TSHZ2: variants seen among roughly 807,000 people sequenced by gnomAD.
The protein encoded by TSHZ2 is teashirt homolog 2.
A neutral mutation model predicts 74.4 loss-of-function variants in TSHZ2; 21 were observed. The ratio of observed to expected loss-of-function variants is 0.28; its 90% CI spans 0.20 to 0.41. The LOEUF (loss-of-function observed/expected upper bound fraction) is 0.41, where lower values mean the gene tolerates loss of function less well. TSHZ2 is among the 10% of genes least tolerant of loss of function. The pLI is 1.00. For missense variants in TSHZ2, 1,244 were observed against 1,293.5 expected, an observed-to-expected ratio of 0.96 and a Z score of 0.59; for synonymous variants, 540 against 515.3, an observed-to-expected ratio of 1.05 and a Z score of -0.65.
intron 2 of TSHZ2, among the ~76,000 whole-genome samples, chr20:53,441,221 G>GTTTTTTATTTTAT (rs1984301242): frequency 8.0e-6 from 1 of 125,784 alleles, no homozygotes; most frequent in African/African-American, 3.2e-5. Context: ...TTATTTATTT[G>GTTTTTTATTTTAT]TTTATTTTAT....
intron 2 of TSHZ2, among the ~76,000 whole-genome samples, chr20:53,295,865 T>C (rs191371329): frequency 1.3e-5 from 2 of 152,212 alleles, no homozygotes; most frequent in Admixed American, 1.3e-4. Flanking sequence ...TAGAAGAAAA[T>C]TTAAAACAGC....
At chr20:53,321,754 A>G (rs1346715017) in intron 2 of TSHZ2, among the ~76,000 whole-genome samples, 2 of 150,978 alleles carry the variant, frequency 1.3e-5, no homozygotes, top group Non-Finnish European at 3.0e-5. Flanking sequence ...AGGTGGAGAC[A>G]CCAAGCAAAT....
In TSHZ2 at chr20:53,053,516, A is replaced by G. The variant is rs1984544445; in HGVS notation, c.40+80183A>G. On this transcript the variant is annotated intron_variant, in intron 1 of 2. Coordinates refer to ENST00000371497, the MANE Select transcript of TSHZ2 (RefSeq NM_173485.6). ...CCACCATCTTATTCCCTCCAAATAA[A>G]AAAGGAAGAAAAAGAAAACTGCTTC... 3.3e-5 allele frequency among the ~76,000 whole-genome samples: 5 copies of G among 152,130 alleles called. No individual in the cohort carries two copies. The South Asian group carries it at 1.0e-3, about 31-fold the overall frequency.
At chr20:53,032,525 C>G (rs1008753354) in intron 1 of TSHZ2, among the ~76,000 whole-genome samples, 2 of 152,158 alleles carry the variant, frequency 1.3e-5, no homozygotes, top group Non-Finnish European at 2.9e-5. Context: ...ATCAGTCAGG[C>G]CCTTGGTAGG....
intron 1 of TSHZ2, among the ~76,000 whole-genome samples, chr20:53,162,799 G>A (rs1287133701): frequency 6.6e-6 from 1 of 152,142 alleles, no homozygotes; most frequent in Non-Finnish European, 1.5e-5. Context: ...GACATCTGCT[G>A]ATTGTTTTCT....
chr20:53,219,749 C>T (rs1393057567), intron 1 of TSHZ2, among the ~76,000 whole-genome samples: 2 of 152,208 alleles, frequency 1.3e-5, no homozygotes, highest in Non-Finnish European at 2.9e-5. Context: ...TCCAGTATTA[C>T]TAGATCCTCA....
In TSHZ2 at chr20:53,255,897, C is replaced by T. The variant is rs1351492700; in HGVS notation, c.2439C>T (p.Ser813=). ...CCACCACCCCAAAGCCAGCCTCCTC[C>T]TCCAGGGTCCCCCCCATGAAGCTGG... ...PKATTPKPAS[S]SRVPPMKLEM... Residue 813 remains serine (S), a synonymous_variant, in exon 2 of 3, where the codon TCC becomes TCT. Transcript: ENST00000371497. The surrounding 1 kb of genome is among the most constrained non-coding windows in gnomAD (Gnocchi z 4.1). 4 of 1,614,080 alleles carry T rather than the reference C, an allele frequency of 2.5e-6. No individual in the cohort carries two copies. In the Admixed American group the frequency reaches 5.0e-5, roughly 20 times the overall value.
chr20:53,203,708 C>T (rs758546550), intron 1 of TSHZ2, among the ~76,000 whole-genome samples: 26 of 152,080 alleles, frequency 1.7e-4, no homozygotes, highest in Non-Finnish European at 2.8e-4. Context: ...CCAAGAGAAA[C>T]CAGGAAAATA....
At chr20:52,978,409 C>A (rs1568701383) in intron 1 of TSHZ2, among the ~76,000 whole-genome samples, 1 of 152,130 alleles carries the variant, frequency 6.6e-6, no homozygotes, top group Non-Finnish European at 1.5e-5. Flanking sequence ...CCTTCCCTTC[C>A]ATCACTGTAT....
At chr20:53,227,151 C>T (rs937635725) in intron 1 of TSHZ2, among the ~76,000 whole-genome samples, 1 of 151,838 alleles carries the variant, frequency 6.6e-6, no homozygotes, top group Non-Finnish European at 1.5e-5. Context: ...GCCAGCCTCT[C>T]GGTGTCCTGA....
intron 2 of TSHZ2, among the ~76,000 whole-genome samples, chr20:53,261,667 G>T (rs1404612619): frequency 6.6e-6 from 1 of 152,108 alleles, no homozygotes; most frequent in Non-Finnish European, 1.5e-5. Context: ...GCTCAATCCT[G>T]ACGTGTATAA....
At chr20:53,387,499 C>G (rs1982091636) in intron 2 of TSHZ2, among the ~76,000 whole-genome samples, 1 of 152,166 alleles carries the variant, frequency 6.6e-6, no homozygotes, top group Non-Finnish European at 1.5e-5. Context: ...AGGAAAAGAC[C>G]ATTTTTCCAT....
At chr20:53,263,705 G>A (rs1990650170) in intron 2 of TSHZ2, among the ~76,000 whole-genome samples, 1 of 152,200 alleles carries the variant, frequency 6.6e-6, no homozygotes, top group Admixed American at 6.5e-5. Context: ...TGGCAGGTCA[G>A]GTGGAGACAC....
intron 1 of TSHZ2, among the ~76,000 whole-genome samples, chr20:53,094,401 C>G (rs1209975673): frequency 3.3e-5 from 5 of 152,174 alleles, no homozygotes; most frequent in African/African-American, 7.2e-5. Context: ...ATGAGCCACA[C>G]TTTGGGAACC....
chr20:53,393,094 T>A (rs1388115518), intron 2 of TSHZ2, among the ~76,000 whole-genome samples: 1 of 152,144 alleles, frequency 6.6e-6, no homozygotes, highest in Non-Finnish European at 1.5e-5. Flanking sequence ...CCTCCCCAGG[T>A]GCTGGGATTA....
intron 1 of TSHZ2, among the ~76,000 whole-genome samples, chr20:53,167,313 A>G (rs1429731568): frequency 6.6e-6 from 1 of 152,260 alleles, no homozygotes; most frequent in Non-Finnish European, 1.5e-5. Flanking sequence ...AGCACTTTAT[A>G]TACATTTTCT....
In TSHZ2 at chr20:53,254,376, G is replaced by T; in HGVS notation, c.918G>T (p.Lys306Asn). The change falls in exon 2 of 3, where the codon AAG becomes AAT. Residue 306 changes from lysine to asparagine, a missense_variant. By Grantham distance (94) the Lys-to-Asn change is moderately conservative (BLOSUM62 0). Transcript: ENST00000371497. The part of the protein sequence containing the change: ...KTKHYQKVPL[K>N]EPVPTISSKM... ...AACATTACCAAAAAGTGCCTTTGAAGGAGCCAGTCCCAACCATTTCCTCGA... is the reference window on the plus strand; with the variant it reads ...AACATTACCAAAAAGTGCCTTTGAATGAGCCAGTCCCAACCATTTCCTCGA... 6.2e-7 allele frequency: 1 copy of T among 1,614,170 alleles called. No individual in the cohort carries two copies. Among genetic ancestry groups the T allele is most frequent in the South Asian group, 1.1e-5 (1 of 91,066 alleles).
intron 1 of TSHZ2, among the ~76,000 whole-genome samples, chr20:53,001,407 A>ATATCAAGG (rs1982437704): frequency 6.6e-6 from 1 of 152,172 alleles, no homozygotes; most frequent in African/African-American, 2.4e-5. Flanking sequence ...GTCAAAATGT[A>ATATCAAGG]TATCAAGGAA....
intron 1 of TSHZ2, among the ~76,000 whole-genome samples, chr20:53,086,025 A>G (rs1985688739): frequency 6.6e-6 from 1 of 152,088 alleles, no homozygotes; most frequent in African/African-American, 2.4e-5. Flanking sequence ...TGACTTCTCC[A>G]TCTGCACCAA....
Sources: gnomAD v4.1 joint callset for allele counts (sites outside exome capture counted in the v4.1 genomes callset) on GRCh38, gnomAD v4.1.1 for gene constraint, Gnocchi (gnomAD v3.1) non-coding constraint, MANE v1.5 for transcripts, NCBI Gene and HGNC (gene_info 2026-07-23, HGNC 2026-07-21) for gene names.